The following UBE2E2 variants were observed in gnomAD, a reference collection of about 807,000 sequenced individuals.
UBE2E2 encodes the protein ubiquitin conjugating enzyme E2 E2.
A neutral mutation model predicts 24.7 loss-of-function variants in UBE2E2; 6 were observed. The observed-to-expected ratio is 0.24, with a 90% CI of 0.13 to 0.48. The LOEUF is 0.48. Ranked by LOEUF, UBE2E2 falls within the 20% of genes least tolerant of loss-of-function variation. The pLI, the probability that UBE2E2 is intolerant of heterozygous loss-of-function variation, is 0.99. For synonymous variants in UBE2E2, 104 were observed against 83.6 expected (o/e 1.24, Z -1.33); for missense variants, 169 against 245.0 (o/e 0.69, Z 2.07).
intron 3 of UBE2E2, among the ~76,000 whole-genome samples, chr3:23,272,243 C>G (rs1040637829): frequency 6.6e-6 from 1 of 152,210 alleles, no homozygotes; most frequent in African/African-American, 2.4e-5. Context: ...GGATCCGGCG[C>G]TCCCTGGCCT....
intron 3 of UBE2E2, among the ~76,000 whole-genome samples, chr3:23,339,132 A>G (rs1475522726): frequency 6.6e-6 from 1 of 152,184 alleles, no homozygotes; most frequent in Non-Finnish European, 1.5e-5. Context: ...ACGACACAAC[A>G]TTACTTTTGT....
intron 3 of UBE2E2, among the ~76,000 whole-genome samples, chr3:23,402,955 C>T (rs1697267728): frequency 6.6e-6 from 1 of 152,142 alleles, no homozygotes; most frequent in Non-Finnish European, 1.5e-5. Flanking sequence ...ATACCTTAAG[C>T]TTTATGGGCC....
chr3:23,312,225 T>C (rs1166630601), intron 3 of UBE2E2, among the ~76,000 whole-genome samples: 2 of 152,192 alleles, frequency 1.3e-5, no homozygotes, highest in Non-Finnish European at 2.9e-5. Flanking sequence ...AACCATGAGC[T>C]GATTAAACCT....
At chr3:23,373,610 G>A (rs1321864753) in intron 3 of UBE2E2, among the ~76,000 whole-genome samples, 2 of 152,170 alleles carry the variant, frequency 1.3e-5, no homozygotes, top group African/African-American at 4.8e-5. Flanking sequence ...AGATTCTGAA[G>A]GCATTTCTCC....
At chr3:23,341,799 C>A (rs1026051317) in intron 3 of UBE2E2, among the ~76,000 whole-genome samples, 1 of 151,244 alleles carries the variant, frequency 6.6e-6, no homozygotes, top group African/African-American at 2.4e-5. Flanking sequence ...CCAATTTTTT[C>A]TTTGTGAAAA....
At chr3:23,577,953 C>A (rs896758302) in intron 5 of UBE2E2, among the ~76,000 whole-genome samples, 33 of 146,410 alleles carry the variant, frequency 2.3e-4, no homozygotes, top group Admixed American at 9.0e-4. Flanking sequence ...GACAGCACAT[C>A]TTTTTTAATA....
chr3:23,386,368 C>G (rs1696804346), intron 3 of UBE2E2, among the ~76,000 whole-genome samples: 1 of 152,252 alleles, frequency 6.6e-6, no homozygotes, highest in African/African-American at 2.4e-5. Flanking sequence ...ACCTCATTAC[C>G]TCCCAAAGGC....
intron 5 of UBE2E2, among the ~76,000 whole-genome samples, chr3:23,572,372 A>G (rs145497134): frequency 1.6e-3 from 238 of 152,246 alleles, no homozygotes; most frequent in African/African-American, 5.4e-3. Context: ...AACATTATAT[A>G]TGTATGTATA....
At chr3:23,470,377 G>T (rs2125433494) in intron 3 of UBE2E2, among the ~76,000 whole-genome samples, 1 of 152,264 alleles carries the variant, frequency 6.6e-6, no homozygotes, top group Middle Eastern at 3.4e-3. Flanking sequence ...TGGATATGTG[G>T]TATATAATAT....
At chr3:23,471,477 G>C (rs142186615) in intron 3 of UBE2E2, among the ~76,000 whole-genome samples, 1 of 152,296 alleles carries the variant, frequency 6.6e-6, no homozygotes, top group Non-Finnish European at 1.5e-5. Context: ...TGGTTGATGG[G>C]TCCTGAGAAG....
At chr3:23,272,869 A>G (rs1171212500) in intron 3 of UBE2E2, among the ~76,000 whole-genome samples, 1 of 152,164 alleles carries the variant, frequency 6.6e-6, no homozygotes, top group Non-Finnish European at 1.5e-5. Flanking sequence ...CCCAAGACCA[A>G]GAAGAGCCCA....
intron 3 of UBE2E2, among the ~76,000 whole-genome samples, chr3:23,254,165 T>C (rs987207503): frequency 6.6e-6 from 1 of 152,234 alleles, no homozygotes; most frequent in Admixed American, 6.5e-5. Context: ...GTGGTGGGAA[T>C]GAATTAAGAT....
In UBE2E2 at chr3:23,539,194, G is replaced by A. The variant is rs184433362; in HGVS notation, c.508+6493G>A. On this transcript the variant is annotated intron_variant, in intron 5 of 5. Transcript: ENST00000396703. Reference sequence around the variant, plus strand: ...CCCATGGTATTTCTGCTTTGTGTGGGCAAGTCTTTATTTATAACCAACAAT... The same window carrying A: ...CCCATGGTATTTCTGCTTTGTGTGGACAAGTCTTTATTTATAACCAACAAT... 5.9e-5 allele frequency among the ~76,000 whole-genome samples: 9 copies of A among 152,228 alleles called. No individual in the cohort carries two copies. The East Asian group carries it at 1.7e-3, about 29-fold the overall frequency.
At chr3:23,210,506 G>A (rs532363909) in intron 2 of UBE2E2, among the ~76,000 whole-genome samples, 1 of 152,274 alleles carries the variant, frequency 6.6e-6, no homozygotes, top group East Asian at 1.9e-4. Context: ...TGCTTTATGT[G>A]TGAACATGAG....
At chr3:23,532,061 CAAA>C (rs538531736) in intron 4 of UBE2E2, among the ~76,000 whole-genome samples, 2 of 91,276 alleles carry the variant, frequency 2.2e-5, no homozygotes. Context: ...AACTCTATCT[CAAA>C]AAAAAAAAAA....
At chr3:23,204,722 T>C in intron 1 of UBE2E2, 1 of 985,472 alleles carries the variant, frequency 1.0e-6, no homozygotes, top group Non-Finnish European at 1.2e-6. Flanking sequence ...TCCACTGTTA[T>C]TTTCTGCATA....
chr3:23,454,329 C>T (rs1698628190), intron 3 of UBE2E2, among the ~76,000 whole-genome samples: 1 of 152,034 alleles, frequency 6.6e-6, no homozygotes, highest in Admixed American at 6.5e-5. Context: ...AAGAACAAAA[C>T]GCTTTGAAAA....
chr3:23,338,842 TAA>T (rs1306844140), intron 3 of UBE2E2, among the ~76,000 whole-genome samples: 2 of 152,196 alleles, frequency 1.3e-5, no homozygotes, highest in Non-Finnish European at 2.9e-5. Context: ...TTCCAATTAG[TAA>T]ATGAAGAGTC....
chr3:23,296,277 AT>A (rs1473779387), intron 3 of UBE2E2, among the ~76,000 whole-genome samples: 1 of 152,136 alleles, frequency 6.6e-6, no homozygotes, highest in African/African-American at 2.4e-5. Flanking sequence ...TCACAAAAAA[AT>A]ATTTCACTAC....
Sources: gnomAD v4.1 joint callset for allele counts (sites outside exome capture counted in the v4.1 genomes callset) on GRCh38, gnomAD v4.1.1 for gene constraint, MANE v1.5 for transcripts, NCBI Gene and HGNC (gene_info 2026-07-23, HGNC 2026-07-21) for gene names.